The following ACCSL variants were observed in gnomAD, a reference collection of about 807,000 sequenced individuals.
The protein encoded by ACCSL is 1-aminocyclopropane-1-carboxylate synthase homolog (inactive) like, also known as probable inactive 1-aminocyclopropane-1-carboxylate synthase-like protein 2.
ACCSL carries 55 observed loss-of-function variants against 61.7 expected under a neutral mutation model. The ratio of observed to expected loss-of-function variants is 0.89; its 90% confidence interval spans 0.72 to 1.12. The LOEUF (loss-of-function observed/expected upper bound fraction) is 1.12, where lower values mean the gene tolerates loss of function less well. Among genes scored for constraint, ACCSL ranks in the 50% most tolerant of loss-of-function variants. ACCSL has a pLI of 0.00. For missense variants in ACCSL, 632 were observed against 698.0 expected, an observed-to-expected ratio of 0.91 and a Z score of 1.07; for synonymous variants, 258 against 264.3, an observed-to-expected ratio of 0.98 and a Z score of 0.23.
chr11:43,940,634 A>T, the ACCSL span, among the ~76,000 whole-genome samples: 1 of 152,006 alleles, frequency 6.6e-6, no homozygotes, highest in South Asian at 2.1e-4. Flanking sequence ...TGCTGGGATT[A>T]CAGGCGTGAG....
At position 44,050,601 on chromosome 11, in the gene ACCSL, C is replaced by A. The variant is rs1463779777; in HGVS notation, c.614C>A (p.Pro205His). 60 of 1,613,974 alleles carry A rather than the reference C, an allele frequency of 3.7e-5. No homozygotes were observed. Among genetic ancestry groups the A allele is most frequent in the Non-Finnish European group, 4.7e-5 (56 of 1,180,026 alleles). The change falls in exon 3 of 14, where the codon CCT becomes CAT. Residue 205 changes from proline (P) to histidine (H), a missense_variant. Physicochemically the swap from Pro to His is moderately conservative, Grantham distance 77 (BLOSUM62 -2). Transcript: ENST00000378832. The stretch of plus-strand genomic sequence containing the variant: ...ATTGAGGACACCTTGCTTCAGTACC[C>A]TGATTGGAGAGGGCAGCCATTGTAA... The part of the protein sequence containing the change: ...NCIEDTLLQY[P>H]DWRGQPFLRE...
chr11:43,982,699 C>A, the ACCSL span, among the ~76,000 whole-genome samples: 1 of 152,132 alleles, frequency 6.6e-6, no homozygotes, highest in Non-Finnish European at 1.5e-5. Flanking sequence ...GCCTGGGAGT[C>A]AGGGGTCCAG....
chr11:43,987,900 C>G, the ACCSL span, among the ~76,000 whole-genome samples: 1 of 152,266 alleles, frequency 6.6e-6, no homozygotes, highest in East Asian at 1.9e-4. Context: ...TTTTTCCTTT[C>G]GGGCATTTCA....
the ACCSL span, among the ~76,000 whole-genome samples, chr11:44,014,861 G>A: frequency 6.6e-6 from 1 of 152,228 alleles, no homozygotes; most frequent in Non-Finnish European, 1.5e-5. Flanking sequence ...GGCCTCTAAA[G>A]CGCTCTCCGA....
chr11:43,988,156 T>C, the ACCSL span, among the ~76,000 whole-genome samples: 2 of 152,112 alleles, frequency 1.3e-5, no homozygotes, highest in African/African-American at 2.4e-5. Flanking sequence ...GACAGTAGTT[T>C]ACAAAACTAA....
chr11:44,005,931 G>A, the ACCSL span, among the ~76,000 whole-genome samples: 214 of 152,292 alleles, frequency 1.4e-3, 2 homozygotes, highest in East Asian at 0.029. Flanking sequence ...CCAAAGATCC[G>A]CAATGCAAGG....
the ACCSL span, among the ~76,000 whole-genome samples, chr11:44,024,049 C>T: frequency 6.6e-6 from 1 of 151,964 alleles, no homozygotes; most frequent in Non-Finnish European, 1.5e-5. Flanking sequence ...TCAGTGTGTC[C>T]GTGAGGGTGT....
At chr11:44,006,552 C>T in the ACCSL span, among the ~76,000 whole-genome samples, 1 of 134,468 alleles carries the variant, frequency 7.4e-6, no homozygotes, top group Non-Finnish European at 1.5e-5. Context: ...GTTACCCAGG[C>T]TGGAGTGCAG....
At chr11:44,041,171 G>A in the ACCSL span, among the ~76,000 whole-genome samples, 9 of 152,272 alleles carry the variant, frequency 5.9e-5, no homozygotes, top group African/African-American at 1.4e-4. Flanking sequence ...AATAGTTTAC[G>A]TCATTCATAA....
chr11:43,952,279 G>A, the ACCSL span, among the ~76,000 whole-genome samples: 7 of 152,032 alleles, frequency 4.6e-5, no homozygotes, highest in Non-Finnish European at 8.8e-5. Context: ...TTGTGTTCAT[G>A]TGTACTCAAT....
At chr11:44,041,080 G>T in the ACCSL span, among the ~76,000 whole-genome samples, 1 of 152,214 alleles carries the variant, frequency 6.6e-6, no homozygotes, top group South Asian at 2.1e-4. Context: ...CTAGACCAGA[G>T]CCTGACTTGA....
At chr11:44,029,579 G>A in the ACCSL span, among the ~76,000 whole-genome samples, 1 of 152,192 alleles carries the variant, frequency 6.6e-6, no homozygotes, top group Admixed American at 6.5e-5. Context: ...TTGGGAGTTG[G>A]CACACTTGCT....
At chr11:44,035,102 C>T in the ACCSL span, among the ~76,000 whole-genome samples, 1 of 152,162 alleles carries the variant, frequency 6.6e-6, no homozygotes, top group East Asian at 1.9e-4. Context: ...CCTTTGCTTC[C>T]TGTGGGTCTT....
chr11:44,014,024 C>T, the ACCSL span, among the ~76,000 whole-genome samples: 1 of 152,194 alleles, frequency 6.6e-6, no homozygotes, highest in South Asian at 2.1e-4. Context: ...CCCAAAGCAG[C>T]ACAGCGCCTT....
the ACCSL span, among the ~76,000 whole-genome samples, chr11:44,030,179 GGGCCCT>G: frequency 1.4e-5 from 2 of 143,910 alleles, no homozygotes; most frequent in African/African-American, 2.6e-5. Flanking sequence ...GTCTCTCCCT[GGGCCCT>G]TTTCTCTCTC....
chr11:44,058,640 G>A lies in ACCSL; in HGVS notation c.1565G>A (p.Cys522Tyr), dbSNP rs1371529849. Residue 522 changes from cysteine (C) to tyrosine (Y), a missense_variant, in exon 13 of 14, where the codon TGT (cysteine) becomes TAT (tyrosine). By Grantham distance (194) the Cys-to-Tyr change is radical. Coordinates refer to ENST00000378832, the MANE Select transcript of ACCSL (RefSeq NM_001031854.2). ...LLLSRGKTYM[C>Y]KEPGWFCLIF... is the part of the protein sequence containing the mutation. ...TTATCCCGTGGCAAAACCTACATGT[G>A]TAAGGAGCCAGGCTGGTTCTGCCTC... 6.2e-6 allele frequency: 10 copies of A among 1,614,126 alleles called. No homozygotes were observed. The highest frequency in any genetic ancestry group is 8.5e-6 in the Non-Finnish European group (10 of 1,179,996).
chr11:43,929,053 C>T, the ACCSL span, among the ~76,000 whole-genome samples: 35 of 152,326 alleles, frequency 2.3e-4, no homozygotes, highest in Non-Finnish European at 4.4e-4. Context: ...CCACTGACTG[C>T]TACATGGCCT....
At chr11:43,974,425 A>G in the ACCSL span, among the ~76,000 whole-genome samples, 2 of 152,184 alleles carry the variant, frequency 1.3e-5, no homozygotes, top group East Asian at 3.8e-4. Context: ...GACATTTGTC[A>G]TTGGATTTAG....
the ACCSL span, among the ~76,000 whole-genome samples, chr11:43,989,369 C>A: frequency 1.3e-5 from 2 of 152,248 alleles, no homozygotes; most frequent in Non-Finnish European, 2.9e-5. Context: ...CGGATCTCCC[C>A]TCCCCCGCCT....
Sources: gnomAD v4.1 joint callset for allele counts (sites outside exome capture counted in the v4.1 genomes callset) on GRCh38, gnomAD v4.1.1 for gene constraint, MANE v1.5 for transcripts, NCBI Gene and HGNC (gene_info 2026-07-23, HGNC 2026-07-21) for gene names.